Variants in SIPA1L2 observed in about 807,000 individuals in gnomAD.
The protein encoded by SIPA1L2 is signal induced proliferation associated 1 like 2, also known as signal-induced proliferation-associated 1-like protein 2.
SIPA1L2 carries 56 observed loss-of-function variants against 163.9 expected under a neutral mutation model. The observed-to-expected ratio is 0.34, with a 90% CI of 0.28 to 0.43. The LOEUF (loss-of-function observed/expected upper bound fraction) is 0.43, where lower values mean the gene tolerates loss of function less well. Ranked by LOEUF, SIPA1L2 falls within the 20% of genes least tolerant of loss-of-function variation. The pLI is 1.00. For missense variants in SIPA1L2, 1,974 were observed against 2,193.5 expected (o/e 0.90, Z 2.00); for synonymous variants, 877 against 865.7 (o/e 1.01, Z -0.23).
intron 1 of SIPA1L2, among the ~76,000 whole-genome samples, chr1:232,616,067 G>A (rs571450069): frequency 3.9e-5 from 6 of 152,252 alleles, no homozygotes; most frequent in Non-Finnish European, 8.8e-5. Context: ...AGAGGAAGCC[G>A]CTGACTGACA....
At chr1:232,629,175 GCT>G (rs10586654) in intron 1 of SIPA1L2, among the ~76,000 whole-genome samples, 7,138 of 152,248 alleles carry the variant, frequency 0.047, 575 homozygotes, top group African/African-American at 0.16. Flanking sequence ...AGAAGCCTCG[GCT>G]CTCTCTTGCA....
intron 12 of SIPA1L2, 39 bp from the exon 13 acceptor site, chr1:232,441,907 C>T (rs555595684): frequency 1.7e-4 from 257 of 1,553,530 alleles, no homozygotes; most frequent in Non-Finnish European, 1.3e-4. Context: ...CTTTCTCAAC[C>T]GTGCCACCTG....
intron 10 of SIPA1L2, among the ~76,000 whole-genome samples, chr1:232,458,168 A>C (rs1664035971): frequency 6.6e-6 from 1 of 152,140 alleles, no homozygotes. Context: ...AATTGGGAAA[A>C]AAAACCCTGT....
intron 10 of SIPA1L2, among the ~76,000 whole-genome samples, 166 bp from the exon 11 acceptor site, chr1:232,445,952 A>G (rs2102874420): frequency 6.6e-6 from 1 of 152,312 alleles, no homozygotes; most frequent in Non-Finnish European, 1.5e-5. Context: ...CACCTATAAT[A>G]AAACCACATT....
intron 5 of SIPA1L2, among the ~76,000 whole-genome samples, chr1:232,488,010 G>A (rs2102988316): frequency 6.6e-6 from 1 of 152,116 alleles, no homozygotes; most frequent in East Asian, 1.9e-4. Flanking sequence ...CTGGAGTGCA[G>A]TGGTGCGATC....
At chr1:232,556,630 A>G in intron 2 of SIPA1L2, among the ~76,000 whole-genome samples, 1 of 152,088 alleles carries the variant, frequency 6.6e-6, no homozygotes, top group East Asian at 1.9e-4. Flanking sequence ...ACCAAAAGAA[A>G]TTATGTGTCT....
Position 232,461,145 on chromosome 1 carries a change from C to T in SIPA1L2, c.2837G>A (p.Cys946Tyr), listed in dbSNP as rs749400649. The change falls in exon 10 of 23, where the codon TGC (cysteine) becomes TAC (tyrosine). Residue 946 changes from cysteine (C) to tyrosine (Y), a missense_variant. Physicochemically the swap from Cys to Tyr is radical, Grantham distance 194. This residue lies in a region of SIPA1L2 where 1,079 missense variants were observed against 1,150.7 expected (regional missense o/e 0.94). Coordinates refer to ENST00000674635, the MANE Select transcript of SIPA1L2 (RefSeq NM_020808.5). ...CCTCAGGGTCATTTCCACAGTCTCG[C>T]AGCCTCTCGTCACTATCTAAGGGGG... ...VQRLVIVTRG[C>Y]ETVEMTLRRN... The T allele has an allele frequency of 6.2e-7, 1 of 1,614,168 alleles. No individual in the cohort carries two copies. The highest frequency in any genetic ancestry group is 8.5e-7 in the Non-Finnish European group (1 of 1,179,992).
chr1:232,524,294 A>G (rs2182431), intron 2 of SIPA1L2, among the ~76,000 whole-genome samples: 22,393 of 152,048 alleles, frequency 0.15, 1,719 homozygotes, highest in Middle Eastern at 0.3. Context: ...ATGAAGTTAA[A>G]ACAATAGTAT....
At chr1:232,453,652 G>C (rs984758738) in intron 10 of SIPA1L2, among the ~76,000 whole-genome samples, 6 of 152,032 alleles carry the variant, frequency 3.9e-5, no homozygotes, top group Middle Eastern at 3.2e-3. Flanking sequence ...GGGCTAGAGA[G>C]GTTGGAAAGA....
chr1:232,548,847 G>A (rs1573065166), intron 2 of SIPA1L2, among the ~76,000 whole-genome samples: 1 of 152,206 alleles, frequency 6.6e-6, no homozygotes, highest in East Asian at 1.9e-4. Context: ...GCAAAGACAT[G>A]AAGGGAGAGC....
intron 1 of SIPA1L2, among the ~76,000 whole-genome samples, chr1:232,624,860 A>T (rs1662993364): frequency 6.6e-6 from 1 of 152,222 alleles, no homozygotes; most frequent in African/African-American, 2.4e-5. Context: ...ACTATCTGAA[A>T]GCAATTCAAC....
chr1:232,536,074 T>G (rs990980628), intron 2 of SIPA1L2, among the ~76,000 whole-genome samples: 1 of 152,184 alleles, frequency 6.6e-6, no homozygotes, highest in African/African-American at 2.4e-5. Context: ...TGCCAAGGAA[T>G]CTGGTGAGAA....
Position 232,626,889 on chromosome 1 carries a change from G to A in SIPA1L2, c.-319+2980C>T, listed in dbSNP as rs144581977. ...TTTCATCCAAATTCATTTGTGACAG[G>A]TGGTAGAGGCAGGAAGCTCAAGGTT... On this transcript the variant is annotated intron_variant, in intron 1 of 22. Transcript: ENST00000674635. 1.4e-3 allele frequency among the ~76,000 whole-genome samples: 219 copies of A among 152,270 alleles called. 1 individual carries two copies. Among genetic ancestry groups the A allele is most frequent in the African/African-American group, 5.0e-3 (209 of 41,528 alleles).
intron 7 of SIPA1L2, among the ~76,000 whole-genome samples, chr1:232,472,112 A>C (rs948038763): frequency 4.6e-5 from 7 of 152,222 alleles, no homozygotes; most frequent in African/African-American, 1.7e-4. Flanking sequence ...AATCATTTGT[A>C]ATTTTATAAA....
At chr1:232,438,539 A>G (rs1662697777) in intron 15 of SIPA1L2, among the ~76,000 whole-genome samples, 1 of 152,272 alleles carries the variant, frequency 6.6e-6, no homozygotes, top group African/African-American at 2.4e-5. Flanking sequence ...AAACATCTAC[A>G]CTTACAGTAC....
At chr1:232,485,275 T>C (rs759199383) in intron 5 of SIPA1L2, among the ~76,000 whole-genome samples, 6 of 152,240 alleles carry the variant, frequency 3.9e-5, no homozygotes, top group Non-Finnish European at 8.8e-5. Flanking sequence ...TTCATGGGCC[T>C]TGGGACCCTG....
chr1:232,544,483 C>T (rs1381954029), intron 2 of SIPA1L2, among the ~76,000 whole-genome samples: 1 of 152,018 alleles, frequency 6.6e-6, no homozygotes, highest in Admixed American at 6.6e-5. Flanking sequence ...TGGCGTGAAC[C>T]CGGAAGGCAC....
intron 1 of SIPA1L2, among the ~76,000 whole-genome samples, chr1:232,583,958 T>C (rs927379221): frequency 6.6e-6 from 1 of 151,332 alleles, no homozygotes; most frequent in African/African-American, 2.5e-5. Flanking sequence ...AGACAGGTCA[T>C]AGAAACTAGA....
chr1:232,528,107 A>G (rs1667808397), intron 2 of SIPA1L2, among the ~76,000 whole-genome samples: 1 of 110,426 alleles, frequency 9.1e-6, no homozygotes, highest in Non-Finnish European at 1.8e-5. Context: ...TATATAATCA[A>G]CTTTCTAAAA....
Sources: allele counts gnomAD v4.1 joint callset (sites outside exome capture counted in the v4.1 genomes callset), GRCh38; gene constraint gnomAD v4.1.1; regional missense constraint gnomAD v4.1.1; transcripts MANE v1.5; gene names NCBI Gene and HGNC (gene_info 2026-07-23, HGNC 2026-07-21).